The following TRAPPC3L variants were observed in gnomAD, a reference collection of about 807,000 sequenced individuals.
The protein encoded by TRAPPC3L is trafficking protein particle complex subunit 3-like protein.
TRAPPC3L carries 23 observed loss-of-function variants against 23.7 expected under a neutral mutation model. The ratio of observed to expected loss-of-function variants is 0.97; its 90% CI spans 0.70 to 1.37. The LOEUF (loss-of-function observed/expected upper bound fraction) is 1.37. Among genes scored for constraint, TRAPPC3L ranks in the 40% most tolerant of loss-of-function variants. The pLI, the probability that TRAPPC3L is intolerant of heterozygous loss-of-function variation, is 0.00. For missense variants in TRAPPC3L, 212 were observed against 216.8 expected (o/e 0.98, Z 0.14); for synonymous variants, 81 against 77.9 (o/e 1.04, Z -0.21).
chr6:116,527,519 C>CAA (rs34686241), intron 3 of TRAPPC3L, among the ~76,000 whole-genome samples: 1,277 of 112,154 alleles, frequency 0.011, 27 homozygotes, highest in East Asian at 0.086. Flanking sequence ...CGTCTCAAAA[C>CAA]AAAAAAAAAA....
Position 116,496,813 on chromosome 6 carries a change from A to T in TRAPPC3L, c.*141T>A. On this transcript the variant is annotated 3_prime_UTR_variant, in exon 5 of 5. Transcript: ENST00000368602. ...AGGAAAAAAAAACCTTTAAGCCTTC[A>T]TGCCCTGCATTTCAAATTTCTGGCT... 1 of 1,214,638 alleles carries T rather than the reference A, an allele frequency of 8.2e-7. No homozygotes were observed. Among genetic ancestry groups the T allele is most frequent in the South Asian group, 1.9e-5 (1 of 52,722 alleles). The allele number at this position is 1,214,638 out of a possible 1,614,324, so 75.2% of individuals were successfully genotyped here. A position where few individuals can be genotyped will look rare whatever the true frequency, so the allele number is the denominator to read the frequency against.
intron 3 of TRAPPC3L, among the ~76,000 whole-genome samples, chr6:116,506,206 G>A (rs1393322175): frequency 2.0e-5 from 3 of 152,068 alleles, no homozygotes; most frequent in Non-Finnish European, 2.9e-5. Context: ...GTGGGCAAAG[G>A]ATATGAACAG....
rs376078879 is a variant in TRAPPC3L at position 116,543,375 on chromosome 6, T to C, written c.68A>G (p.Tyr23Cys). 15 of 1,549,752 alleles carry C rather than the reference T, an allele frequency of 9.7e-6. No homozygotes were observed. Among genetic ancestry groups the C allele is most frequent in the African/African-American group, 1.4e-5 (1 of 72,968 alleles). The change falls in exon 2 of 5, where the codon TAT becomes TGT. Residue 23 changes from tyrosine to cysteine, a missense_variant. Coordinates refer to ENST00000368602, the MANE Select transcript of TRAPPC3L (RefSeq NM_001139444.3). ...ACACAGCTGGGCAACCAGAGCTCCA[T>C]AGGTAAGGACAAAGAGATCTTTATT... Reference protein sequence around the residue: ...KINKDLFVLTYGALVAQLCKD... With the variant: ...KINKDLFVLTCGALVAQLCKD...
At chr6:116,515,140 A>C (rs1772197765) in intron 3 of TRAPPC3L, among the ~76,000 whole-genome samples, 1 of 152,176 alleles carries the variant, frequency 6.6e-6, no homozygotes, top group Non-Finnish European at 1.5e-5. Flanking sequence ...TTCCATGGAC[A>C]GTAAGTAATG....
rs139416423 is a variant in TRAPPC3L, at chr6:116,515,753, G to A, written c.241-15087C>T. The A allele has an allele frequency of 1.2e-4, 190 of 1,613,938 alleles. No homozygotes were observed. The African/African-American group carries it at 2.4e-3, about 20-fold the overall frequency. The stretch of plus-strand genomic sequence containing the variant: ...GGAGCAGTTGGAAAATACATTTCTG[G>A]ACTATGCCAACAAGCTGAGCGAGAG... On this transcript the variant is annotated intron_variant, in intron 3 of 4. Coordinates refer to ENST00000368602, the MANE Select transcript of TRAPPC3L (RefSeq NM_001139444.3).
chr6:116,522,435 A>G (rs1162579214), intron 3 of TRAPPC3L: 2 of 152,186 alleles, frequency 1.3e-5, no homozygotes, highest in African/African-American at 4.8e-5. Context: ...TTACAGGCAA[A>G]TTGTATTTAT....
At chr6:116,507,668 G>A (rs1772030490) in intron 3 of TRAPPC3L, among the ~76,000 whole-genome samples, 1 of 152,022 alleles carries the variant, frequency 6.6e-6, no homozygotes, top group Non-Finnish European at 1.5e-5. Context: ...TTGGTTGCAG[G>A]TATCCCCTGT....
At chr6:116,542,056 C>CT (rs1257526088) in intron 2 of TRAPPC3L, among the ~76,000 whole-genome samples, 2 of 152,080 alleles carry the variant, frequency 1.3e-5, no homozygotes, top group South Asian at 2.1e-4. Context: ...AATAAGTGAG[C>CT]TTTTTTATTA....
intron 2 of TRAPPC3L, among the ~76,000 whole-genome samples, chr6:116,541,499 G>GTGA (rs1160036524): frequency 2.0e-5 from 3 of 152,152 alleles, no homozygotes; most frequent in African/African-American, 7.2e-5. Flanking sequence ...GAAATCTTTG[G>GTGA]TGACTAGGTG....
intron 3 of TRAPPC3L, among the ~76,000 whole-genome samples, chr6:116,527,374 A>G (rs1184118053): frequency 6.6e-6 from 1 of 151,982 alleles, no homozygotes; most frequent in Non-Finnish European, 1.5e-5. Flanking sequence ...AAAATTAGCC[A>G]GGCTTGGTGG....
chr6:116,503,257 A>G (rs570478403), intron 3 of TRAPPC3L, among the ~76,000 whole-genome samples: 46 of 152,350 alleles, frequency 3.0e-4, no homozygotes, highest in African/African-American at 1.0e-3. Context: ...TTAAACCAAC[A>G]AAGATCAAAA....
chr6:116,511,890 T>C lies in TRAPPC3L; in HGVS notation c.241-11224A>G, dbSNP rs140516625. ...GCTCCTGCCTGGGTGTTACTGATCC[T>C]GGGATTCTTTCTGAACAATAGGTCG... On this transcript the variant is annotated intron_variant, in intron 3 of 4. Transcript: ENST00000368602. 0.011 allele frequency: 18,401 copies of C among 1,614,070 alleles called. 134 individuals are homozygous for C. The highest frequency in any genetic ancestry group is 0.014 in the Non-Finnish European group (16,837 of 1,179,990).
chr6:116,511,714 C>T, intron 3 of TRAPPC3L: 1 of 1,613,596 alleles, frequency 6.2e-7, no homozygotes, highest in East Asian at 2.2e-5. Flanking sequence ...CTTTTCAGGG[C>T]ATTTTAAAAT....
chr6:116,514,131 A>G (rs1377312523), intron 3 of TRAPPC3L, among the ~76,000 whole-genome samples: 1 of 152,042 alleles, frequency 6.6e-6, no homozygotes, highest in Non-Finnish European at 1.5e-5. Context: ...GGAAGCATCC[A>G]CCAAGCTCTA....
intron 3 of TRAPPC3L, chr6:116,512,094 G>A (rs1772133287): frequency 1.9e-6 from 3 of 1,614,046 alleles, no homozygotes; most frequent in East Asian, 4.5e-5. Flanking sequence ...AGCGGGACGA[G>A]AAGTTCAGGA....
At chr6:116,501,392 A>G (rs2806721) in intron 3 of TRAPPC3L, among the ~76,000 whole-genome samples, 148,493 of 152,344 alleles carry the variant, frequency 0.97, 72,396 homozygotes, top group East Asian at 1. Flanking sequence ...CCACCGCAGC[A>G]CAGCAAGGCC....
chr6:116,511,417 A>G (rs1404350762), intron 3 of TRAPPC3L, among the ~76,000 whole-genome samples: 1 of 152,122 alleles, frequency 6.6e-6, no homozygotes, highest in Non-Finnish European at 1.5e-5. Context: ...TTTCAATCCA[A>G]ACCACATGGA....
intron 3 of TRAPPC3L, among the ~76,000 whole-genome samples, chr6:116,536,616 TTC>T (rs1384566451): frequency 6.6e-6 from 1 of 152,196 alleles, no homozygotes. Context: ...AATGCATTCC[TTC>T]TCTCTCTTTC....
At chr6:116,538,545 A>G (rs1413009589) in intron 3 of TRAPPC3L, among the ~76,000 whole-genome samples, 1 of 152,224 alleles carries the variant, frequency 6.6e-6, no homozygotes, top group Non-Finnish European at 1.5e-5. Flanking sequence ...TTTGCTAGTT[A>G]TGCTAACATA....
Sources: allele counts gnomAD v4.1 joint callset (sites outside exome capture counted in the v4.1 genomes callset), GRCh38; gene constraint gnomAD v4.1.1; transcripts MANE v1.5; gene names NCBI Gene and HGNC (gene_info 2026-07-23, HGNC 2026-07-21).